Variants in CRH observed in about 807,000 individuals in gnomAD.
CRH encodes corticotropin-releasing hormone.
CRH carries 6 observed loss-of-function variants against 11.1 expected under a neutral mutation model. That is an observed-to-expected ratio of 0.54 (90% confidence interval 0.30 to 1.07). The LOEUF is 1.07. CRH is among the 50% of genes least tolerant of loss of function. CRH has a pLI of 0.07. For synonymous variants in CRH, 155 were observed against 132.0 expected (o/e 1.17, Z -1.19); for missense variants, 289 against 269.4 (o/e 1.07, Z -0.51).
In CRH at chr8:66,176,807, A is replaced by C; in HGVS notation, c.*80T>G. On this transcript the variant is annotated 3_prime_UTR_variant, in exon 2 of 2. Coordinates refer to ENST00000276571, the MANE Select transcript of CRH (RefSeq NM_000756.4). ...AAAAATAAACAAATGGCATAAGAGC[A>C]GCGCTATGGTACAGAATACTGTATT... The C allele has an allele frequency of 6.9e-7, 1 of 1,454,642 alleles. No individual in the cohort carries two copies. Among genetic ancestry groups the C allele is most frequent in the Admixed American group, 2.6e-5 (1 of 38,792 alleles). 90.1% of individuals were successfully genotyped at this position (1,454,642 alleles called of 1,614,324 possible). A position where few individuals can be genotyped will look rare whatever the true frequency, so the allele number is the denominator to read the frequency against.
rs1586278954 is a variant in CRH, at chr8:66,177,162, G to C, written c.316C>G (p.Gln106Glu). The change falls in exon 2 of 2, where the codon CAG (glutamine) becomes GAG (glutamate). Residue 106 changes from glutamine (Q) to glutamate (E), a missense_variant. Coordinates refer to ENST00000276571, the MANE Select transcript of CRH (RefSeq NM_000756.4). Reference protein sequence around the residue: ...GGSGSRPSPEQATANFFRVLL... With the variant: ...GGSGSRPSPEEATANFFRVLL... ...ACGCGGAAAAAGTTGGCGGTCGCCT[G>C]TTCCGGCGAAGGGCGGCTGCCGCTG... is the stretch of plus-strand genomic sequence containing the variant. 1.3e-6 allele frequency: 2 copies of C among 1,542,708 alleles called. No individual in the cohort carries two copies. The highest frequency in any genetic ancestry group is 2.4e-5 in the South Asian group (2 of 84,578).
chr8:66,177,212 G>T lies in CRH; in HGVS notation c.266C>A (p.Pro89His), dbSNP rs958289292. Residue 89 changes from proline (P) to histidine (H), a missense_variant, in exon 2 of 2, where the codon CCC (proline) becomes CAC (histidine). Transcript: ENST00000276571. Reference protein sequence around the residue: ...LNKSPAAPLSPASSLLAGGSG... With the variant: ...LNKSPAAPLSHASSLLAGGSG... ...GCCTCCGGCGAGGAGCGAGGAGGCGGGCGAAAGGGGAGCGGCCGGGCTCTT... is the reference window on the plus strand; with the variant it reads ...GCCTCCGGCGAGGAGCGAGGAGGCGTGCGAAAGGGGAGCGGCCGGGCTCTT... 1.3e-5 allele frequency: 20 copies of T among 1,541,058 alleles called. No individual in the cohort carries two copies. The highest frequency in any genetic ancestry group is 1.7e-5 in the Non-Finnish European group (19 of 1,147,146).
rs943112247 is a variant in CRH at position 66,177,418 on chromosome 8, C to A, written c.60G>T (p.Pro20=). ...CGCGGCTCAGGAGCGCCCTGCATGG[C>A]GGGCAGGGCAGGAGAGCCACCAGCA... is the stretch of plus-strand genomic sequence containing the variant. ...GVLLVALLPC[P]PCRALLSRGP... The change falls in exon 2 of 2, where the codon CCG becomes CCT. Residue 20 remains proline, a synonymous_variant. Transcript: ENST00000276571. 2.5e-5 allele frequency: 38 copies of A among 1,539,262 alleles called. No homozygotes were observed. Among genetic ancestry groups the A allele is most frequent in the Non-Finnish European group, 3.0e-5 (34 of 1,146,928 alleles).
rs367761064 is a variant in CRH, at chr8:66,177,075, G to T, written c.403C>A (p.Arg135Ser). 3 of 1,604,026 alleles carry T rather than the reference G, an allele frequency of 1.9e-6. No individual in the cohort carries two copies. The highest frequency in any genetic ancestry group is 4.5e-5 in the East Asian group (2 of 44,584). ...CCGCCGAGGGCATTCCTAGCGCCGC[G>T]CTCCGCGAGAGCCGCGGGGCTGTCG... ...SLDSPAALAE[R>S]GARNALGGHQ... The change falls in exon 2 of 2, where the codon CGC (arginine) becomes AGC (serine). Residue 135 changes from arginine to serine, a missense_variant. This residue lies in a region of CRH where 261 missense variants were observed against 219.0 expected (regional missense o/e 1.19). Coordinates refer to ENST00000276571, the MANE Select transcript of CRH (RefSeq NM_000756.4).
chr8:66,176,570 C>A lies in CRH; in HGVS notation c.*317G>T. The A allele has an allele frequency of 5.5e-6, 1 of 182,270 alleles. No individual in the cohort carries two copies. Among genetic ancestry groups the A allele is most frequent in the Non-Finnish European group, 1.1e-5 (1 of 88,980 alleles). 11.3% of individuals were successfully genotyped at this position (182,270 alleles called of 1,614,324 possible). A position where few individuals can be genotyped will look rare whatever the true frequency, so the allele number is the denominator to read the frequency against. On this transcript the variant is annotated 3_prime_UTR_variant, in exon 2 of 2. Coordinates refer to ENST00000276571, the MANE Select transcript of CRH (RefSeq NM_000756.4). ...TCTTTGGCTCAGACCACAACAAAAACAATTGAGTGACTTCTGTCTGCTTTT... is the reference window on the plus strand; with the variant it reads ...TCTTTGGCTCAGACCACAACAAAAAAAATTGAGTGACTTCTGTCTGCTTTT...
At chr8:66,178,106 A>G (rs1312795855) in intron 1 of CRH, among the ~76,000 whole-genome samples, 187 bp downstream of exon 1, 1 of 152,040 alleles carries the variant, frequency 6.6e-6, no homozygotes, top group African/African-American at 2.4e-5. Flanking sequence ...ACGCGCGCAC[A>G]CACACACGCA....
Position 66,177,504 on chromosome 8 carries a change from G to C in CRH, c.-14-13C>G, listed in dbSNP as rs1385321662. 7 of 1,521,564 alleles carry C rather than the reference G, an allele frequency of 4.6e-6. No homozygotes were observed. The highest frequency in any genetic ancestry group is 6.1e-6 in the Non-Finnish European group (7 of 1,141,542). 94.3% of individuals were successfully genotyped at this position (1,521,564 alleles called of 1,614,324 possible). Reference sequence around the variant, plus strand: ...TTAGGGGCACTCGCTGCGGCACAGAGGTGGGCGGAGGGCGGAATGAGAGAG... The same window carrying C: ...TTAGGGGCACTCGCTGCGGCACAGACGTGGGCGGAGGGCGGAATGAGAGAG... On this transcript the variant is annotated splice_polypyrimidine_tract_variant and intron_variant, in intron 1 of 1. Transcript: ENST00000276571.
intron 1 of CRH, among the ~76,000 whole-genome samples, chr8:66,177,720 G>T (rs1482465712): frequency 6.6e-6 from 1 of 152,182 alleles, no homozygotes; most frequent in Non-Finnish European, 1.5e-5. Context: ...AAGCTCATGC[G>T]CTCACCGGCC....
chr8:66,176,634 A>C lies in CRH; in HGVS notation c.*253T>G. 6.1e-6 allele frequency: 2 copies of C among 327,120 alleles called. No homozygotes were observed. Among genetic ancestry groups the C allele is most frequent in the Non-Finnish European group, 1.1e-5 (2 of 186,630 alleles). 20.3% of individuals were successfully genotyped at this position (327,120 alleles called of 1,614,324 possible). ...TTTCTCACAGGTCTACATTCTCTTT[A>C]AAACACCACTATAAACACCTGGAAA... On this transcript the variant is annotated 3_prime_UTR_variant, in exon 2 of 2. Transcript: ENST00000276571.
rs766362720 is a variant in CRH at position 66,177,188 on chromosome 8, C to A, written c.290G>T (p.Gly97Val). ...TTCCGGCGAAGGGCGGCTGCCGCTG[C>A]CTCCGGCGAGGAGCGAGGAGGCGGG... ...LSPASSLLAG[G>V]SGSRPSPEQA... Residue 97 changes from glycine (G) to valine (V), a missense_variant, in exon 2 of 2, where the codon GGC becomes GTC. By Grantham distance (109) the Gly-to-Val change is moderately radical. Transcript: ENST00000276571. The A allele has an allele frequency of 9.7e-6, 15 of 1,541,404 alleles. No individual in the cohort carries two copies. The highest frequency in any genetic ancestry group is 6.9e-5 in the African/African-American group (5 of 72,874).
intron 1 of CRH, among the ~76,000 whole-genome samples, chr8:66,178,029 C>G (rs950520836): frequency 3.5e-4 from 54 of 152,188 alleles, no homozygotes; most frequent in African/African-American, 1.2e-3. Context: ...TAACGAAGAG[C>G]AGCCGTCTAA....
chr8:66,177,288 C>G lies in CRH; in HGVS notation c.190G>C (p.Val64Leu). 1 of 1,551,648 alleles carries G rather than the reference C, an allele frequency of 6.4e-7. No homozygotes were observed. Among genetic ancestry groups the G allele is most frequent in the Non-Finnish European group, 8.7e-7 (1 of 1,152,892 alleles). ...EQPQQPQARP[V>L]LLRMGEEYFL... is the part of the protein sequence containing the mutation. The stretch of plus-strand genomic sequence containing the variant: ...TACTCCTCTCCCATGCGGAGCAGGA[C>G]CGGCCGAGCCTGCGGCTGCTGGGGC... Residue 64 changes from valine to leucine, a missense_variant, in exon 2 of 2, where the codon GTC becomes CTC. Transcript: ENST00000276571.
chr8:66,177,342 A>T lies in CRH; in HGVS notation c.136T>A (p.Phe46Ile). ...QAPQHPQPLD[F>I]FQPPPQSEQP... ...TCGGACTGCGGCGGCGGCTGGAAGA[A>T]ATCCAAGGGCTGAGGGTGCTGCGGC... is the stretch of plus-strand genomic sequence containing the variant. The change falls in exon 2 of 2, where the codon TTC (phenylalanine) becomes ATC (isoleucine). Residue 46 changes from phenylalanine (F) to isoleucine (I), a missense_variant. By Grantham distance (21) the Phe-to-Ile change is conservative. This residue lies in a region of CRH where 261 missense variants were observed against 219.0 expected (regional missense o/e 1.19). Transcript: ENST00000276571. 1 of 1,552,900 alleles carries T rather than the reference A, an allele frequency of 6.4e-7. No individual in the cohort carries two copies. Among genetic ancestry groups the T allele is most frequent in the Non-Finnish European group, 8.7e-7 (1 of 1,153,904 alleles).
chr8:66,177,764 C>A (rs1811929967), intron 1 of CRH, among the ~76,000 whole-genome samples: 1 of 152,178 alleles, frequency 6.6e-6, no homozygotes, highest in Non-Finnish European at 1.5e-5. Context: ...TCTGAAAGGA[C>A]GGTCCCTGCG....
In CRH at chr8:66,177,310, G is replaced by GGGCTGCTCGGACTGCGGCGGC. The variant is rs1256842877; in HGVS notation, c.147_167dup (p.Pro50_Pro56dup). The GGGCTGCTCGGACTGCGGCGGC allele has an allele frequency of 5.1e-6, 8 of 1,556,662 alleles. No individual in the cohort carries two copies. The highest frequency in any genetic ancestry group is 2.7e-5 in the African/African-American group (2 of 73,550). On this transcript the variant is annotated inframe_insertion, in exon 2 of 2. Coordinates refer to ENST00000276571, the MANE Select transcript of CRH (RefSeq NM_000756.4). ...GGACCGGCCGAGCCTGCGGCTGCTG[G>GGGCTGCTCGGACTGCGGCGGC]GGCTGCTCGGACTGCGGCGGCGGCT...
Position 66,177,173 on chromosome 8 carries a change from G to A in CRH, c.305C>T (p.Pro102Leu), listed in dbSNP as rs1177672133. Residue 102 changes from proline to leucine, a missense_variant, in exon 2 of 2, where the codon CCT (proline) becomes CTT (leucine). Around this residue, in one of 2 missense-constraint regions of CRH, gnomAD observed 261 missense variants for 219.0 expected, o/e 1.19. Coordinates refer to ENST00000276571, the MANE Select transcript of CRH (RefSeq NM_000756.4). ...SLLAGGSGSR[P>L]SPEQATANFF... ...GTTGGCGGTCGCCTGTTCCGGCGAAGGGCGGCTGCCGCTGCCTCCGGCGAG... is the reference window on the plus strand; with the variant it reads ...GTTGGCGGTCGCCTGTTCCGGCGAAAGGCGGCTGCCGCTGCCTCCGGCGAG... 44 of 1,541,464 alleles carry A rather than the reference G, an allele frequency of 2.9e-5. No individual in the cohort carries two copies. Among genetic ancestry groups the A allele is most frequent in the Non-Finnish European group, 3.8e-5 (44 of 1,146,404 alleles).
At position 66,177,127 on chromosome 8, in the gene CRH, C is replaced by T. The variant is rs1274799486; in HGVS notation, c.351G>A (p.Gln117=). The change falls in exon 2 of 2, where the codon CAG becomes CAA. Residue 117 remains glutamine, a synonymous_variant. Coordinates refer to ENST00000276571, the MANE Select transcript of CRH (RefSeq NM_000756.4). ...ATANFFRVLL[Q]QLLLPRRSLD... ...GCGAGCGCCGAGGCAGCAGCAGCTG[C>T]TGCAGCAACACGCGGAAAAAGTTGG... 1.3e-6 allele frequency: 2 copies of T among 1,557,726 alleles called. No individual in the cohort carries two copies. The highest frequency in any genetic ancestry group is 2.4e-5 in the East Asian group (1 of 41,778).
rs202050760 is a variant in CRH, at chr8:66,177,034, C to T, written c.444G>A (p.Pro148=). 7.4e-6 allele frequency: 12 copies of T among 1,613,622 alleles called. No individual in the cohort carries two copies. Among genetic ancestry groups the T allele is most frequent in the Admixed American group, 5.0e-5 (3 of 59,968 alleles). ...RNALGGHQEA[P]ERERRSEEPP... ...GCTCCTCGGACCGCCTTTCTCTCTC[C>T]GGTGCCTCCTGGTGGCCGCCGAGGG... The change falls in exon 2 of 2, where the codon CCG becomes CCA. Residue 148 remains proline (P), a synonymous_variant. Transcript: ENST00000276571.
At chr8:66,177,596 C>CG (rs977020576) in intron 1 of CRH, 105 bp from the exon 2 acceptor site, 1 of 1,403,590 alleles carries the variant, frequency 7.1e-7, no homozygotes, top group African/African-American at 1.5e-5. Flanking sequence ...GGTCTTCCTA[C>CG]GGGACTGCCT....
Sources: allele counts gnomAD v4.1 joint callset (sites outside exome capture counted in the v4.1 genomes callset), GRCh38; gene constraint gnomAD v4.1.1; regional missense constraint gnomAD v4.1.1; transcripts MANE v1.5; gene names NCBI Gene and HGNC (gene_info 2026-07-23, HGNC 2026-07-21).